CCDC178: variants seen among roughly 807,000 people sequenced by gnomAD.
CCDC178 encodes the protein coiled-coil domain-containing protein 178.
In CCDC178, 126 loss-of-function variants were observed where a neutral mutation model predicts 117.4. The ratio of observed to expected loss-of-function variants is 1.07; its 90% CI spans 0.93 to 1.24. The LOEUF is 1.24. CCDC178 is among the 50% of genes most tolerant of loss of function. CCDC178 has a pLI of 0.00. For missense variants in CCDC178, 1,030 were observed against 986.9 expected (o/e 1.04, Z -0.59); for synonymous variants, 283 against 313.4 (o/e 0.90, Z 1.02).
intron 21 of CCDC178, among the ~76,000 whole-genome samples, chr18:33,050,886 G>A (rs375039169): frequency 4.0e-4 from 61 of 152,216 alleles, no homozygotes; most frequent in African/African-American, 1.4e-3. Flanking sequence ...GATTTCAGTA[G>A]TTTGGCTTTG....
intron 4 of CCDC178, among the ~76,000 whole-genome samples, chr18:33,392,084 C>T (rs925948886): frequency 1.3e-5 from 2 of 151,952 alleles, no homozygotes; most frequent in East Asian, 3.9e-4. Context: ...AGGCTGGTCT[C>T]GAACTCCTGA....
intron 20 of CCDC178, among the ~76,000 whole-genome samples, chr18:33,098,473 TC>T (rs1426926550): frequency 6.6e-6 from 1 of 152,030 alleles, no homozygotes; most frequent in Non-Finnish European, 1.5e-5. Flanking sequence ...TCTTAGCTAA[TC>T]TTTTCTGATG....
At chr18:33,178,848 C>T (rs2058694051) in intron 20 of CCDC178, among the ~76,000 whole-genome samples, 1 of 151,114 alleles carries the variant, frequency 6.6e-6, no homozygotes, top group Admixed American at 6.6e-5. Flanking sequence ...GATTTAGATG[C>T]TTCTTCTTGA....
chr18:32,960,383 T>C (rs8097710), intron 22 of CCDC178, among the ~76,000 whole-genome samples: 147,238 of 152,220 alleles, frequency 0.97, 71,263 homozygotes, highest in Non-Finnish European at 0.99. Context: ...TGAGGTGAAA[T>C]AGGAAATTAG....
At position 33,223,078 on chromosome 18, in the gene CCDC178, A is replaced by G. The variant is rs777878478; in HGVS notation, c.1932+28T>C. On this transcript the variant is annotated intron_variant, in intron 18 of 22. Transcript: ENST00000383096. ...CTGACATACATAAACTGTAAATTCA[A>G]AATTAGATTCTGAACTTAAATTCTT... 3.3e-5 allele frequency: 50 copies of G among 1,507,680 alleles called. 1 individual carries two copies. The highest frequency in any genetic ancestry group is 3.6e-6 in the Non-Finnish European group (4 of 1,100,636). The allele number at this position is 1,507,680 out of a possible 1,614,324, so 93.4% of individuals were successfully genotyped here. A position where few individuals can be genotyped will look rare whatever the true frequency, so the allele number is the denominator to read the frequency against.
chr18:33,409,342 C>A (rs2063821060), intron 3 of CCDC178, among the ~76,000 whole-genome samples: 1 of 152,174 alleles, frequency 6.6e-6, no homozygotes, highest in Admixed American at 6.5e-5. Context: ...ACCTCACCCT[C>A]CTGAAGTGTT....
At chr18:33,226,008 A>G (rs2059299080) in intron 16 of CCDC178, among the ~76,000 whole-genome samples, 1 of 152,042 alleles carries the variant, frequency 6.6e-6, no homozygotes, top group South Asian at 2.1e-4. Flanking sequence ...CTAAAAATAC[A>G]AAATTAGCTG....
At chr18:33,220,360 C>A (rs2059216320) in intron 18 of CCDC178, among the ~76,000 whole-genome samples, 1 of 152,000 alleles carries the variant, frequency 6.6e-6, no homozygotes, top group Admixed American at 6.6e-5. Flanking sequence ...CCAGAATAGT[C>A]TGGATGGTAC....
Position 33,259,480 on chromosome 18 carries a change from T to TA in CCDC178, c.1409+7435dup, listed in dbSNP as rs1417963683. Among the ~76,000 whole-genome samples the TA allele has an allele frequency of 4.6e-5, 7 of 152,268 alleles. No individual in the cohort carries two copies. In the East Asian group the frequency reaches 1.2e-3, roughly 25 times the overall value. The stretch of plus-strand genomic sequence containing the variant: ...CATGACTAGGAGGCCTCTGGAAACT[T>TA]ACAATCATAGCGGAAGGCAAAGGGG... On this transcript the variant is annotated intron_variant, in intron 14 of 22. Coordinates refer to ENST00000383096, the MANE Select transcript of CCDC178 (RefSeq NM_001105528.4).
intron 22 of CCDC178, among the ~76,000 whole-genome samples, chr18:32,953,362 C>G (rs751592098): frequency 6.6e-6 from 1 of 152,186 alleles, no homozygotes; most frequent in African/African-American, 2.4e-5. Flanking sequence ...AATTTCCAAT[C>G]TTTCCCATGT....
Position 33,130,819 on chromosome 18 carries a change from T to A in CCDC178, c.2239-37909A>T, listed in dbSNP as rs1598914181. Among the ~76,000 whole-genome samples, 2 of 151,996 alleles carry A rather than the reference T, an allele frequency of 1.3e-5. 1 individual carries two copies. Among genetic ancestry groups the A allele is most frequent in the East Asian group, 3.8e-4 (2 of 5,202 alleles). On this transcript the variant is annotated intron_variant, in intron 20 of 22. Coordinates refer to ENST00000383096, the MANE Select transcript of CCDC178 (RefSeq NM_001105528.4). ...ATAGGCAGGCTAATATTTTGTCTCC[T>A]CTTCAATACGTTTTCTAGACAAACT...
intron 20 of CCDC178, among the ~76,000 whole-genome samples, chr18:33,152,324 G>A (rs1273855666): frequency 3.3e-5 from 5 of 152,048 alleles, no homozygotes; most frequent in Admixed American, 3.3e-4. Context: ...AATACGCAAA[G>A]TGGGAATCTT....
In CCDC178 at chr18:33,333,367, A is replaced by G. The variant is rs1186292760; in HGVS notation, c.686T>C (p.Ile229Thr). Residue 229 changes from isoleucine to threonine, a missense_variant, in exon 10 of 23, where the codon ATA becomes ACA. Transcript: ENST00000383096. Reference sequence around the variant, plus strand: ...ATCTTCAAGATGCCATTGTAATTCTATAACATCACTCAAATAGGCCTCATG... The same window carrying G: ...ATCTTCAAGATGCCATTGTAATTCTGTAACATCACTCAAATAGGCCTCATG... ...KEHEAYLSDV[I>T]ELQWHLEDKA... is the part of the protein sequence containing the mutation. 6.2e-7 allele frequency: 1 copy of G among 1,608,552 alleles called. No homozygotes were observed. Among genetic ancestry groups the G allele is most frequent in the Non-Finnish European group, 8.5e-7 (1 of 1,177,104 alleles).
intron 20 of CCDC178, among the ~76,000 whole-genome samples, chr18:33,100,972 T>C (rs2057617628): frequency 6.6e-6 from 1 of 151,946 alleles, no homozygotes; most frequent in South Asian, 2.1e-4. Flanking sequence ...TTTTCTAAAT[T>C]AAAGGACATT....
chr18:33,409,134 C>T (rs1352942744), intron 3 of CCDC178, among the ~76,000 whole-genome samples: 3 of 152,116 alleles, frequency 2.0e-5, no homozygotes, highest in Non-Finnish European at 4.4e-5. Context: ...TCTTGCTCTT[C>T]ACCCAAGCTG....
intron 2 of CCDC178, among the ~76,000 whole-genome samples, chr18:33,430,869 G>C (rs957111639): frequency 6.6e-6 from 1 of 151,264 alleles, no homozygotes; most frequent in Non-Finnish European, 1.5e-5. Context: ...TCAGGAGTTC[G>C]AGACCAGCCT....
intron 20 of CCDC178, among the ~76,000 whole-genome samples, chr18:33,176,712 G>A (rs930302057): frequency 7.2e-5 from 11 of 151,978 alleles, no homozygotes. Context: ...ACAGTGTACT[G>A]TCTTCAGTAC....
At chr18:33,204,202 G>A (rs967825222) in intron 20 of CCDC178, among the ~76,000 whole-genome samples, 7 of 152,066 alleles carry the variant, frequency 4.6e-5, no homozygotes, top group East Asian at 1.9e-4. Flanking sequence ...TCCCAAACTC[G>A]AACTAAAAAA....
At chr18:32,964,600 C>T (rs1389820542) in intron 22 of CCDC178, among the ~76,000 whole-genome samples, 1 of 151,940 alleles carries the variant, frequency 6.6e-6, no homozygotes. Context: ...TTACTGTGTA[C>T]AGGGCACATT....
Sources: allele counts gnomAD v4.1 joint callset (sites outside exome capture counted in the v4.1 genomes callset), GRCh38; gene constraint gnomAD v4.1.1; transcripts MANE v1.5; gene names NCBI Gene and HGNC (gene_info 2026-07-23, HGNC 2026-07-21).